AUTS2: variants seen among roughly 807,000 people sequenced by gnomAD.
AUTS2 encodes autism susceptibility gene 2 protein.
AUTS2 carries 17 observed loss-of-function variants against 112.4 expected under a neutral mutation model. That is an observed-to-expected ratio of 0.15 (90% CI 0.10 to 0.23). AUTS2 has a LOEUF of 0.23. AUTS2 is among the 10% of genes least tolerant of loss of function. The pLI, the probability that AUTS2 is intolerant of heterozygous loss-of-function variation, is 1.00. For missense variants in AUTS2, 1,510 were observed against 1,701.6 expected (o/e 0.89, Z 1.98); for synonymous variants, 751 against 702.7 (o/e 1.07, Z -1.09).
chr7:70,439,706 A>G (rs1057177022), intron 5 of AUTS2, among the ~76,000 whole-genome samples: 10 of 152,174 alleles, frequency 6.6e-5, no homozygotes, highest in Admixed American at 2.6e-4. Context: ...CTGATCCCCC[A>G]TTCGAAATGA....
chr7:70,160,256 G>A (rs1167271675), intron 4 of AUTS2, among the ~76,000 whole-genome samples: 1 of 152,162 alleles, frequency 6.6e-6, no homozygotes, highest in Non-Finnish European at 1.5e-5. Context: ...CCATGATGTA[G>A]CTGCTGAAAT....
intron 4 of AUTS2, among the ~76,000 whole-genome samples, chr7:70,246,731 T>C (rs1399177785): frequency 2.0e-5 from 3 of 152,072 alleles, no homozygotes; most frequent in Admixed American, 6.6e-5. Context: ...TTTCATATTC[T>C]CAAAAAAGTG....
chr7:70,608,718 C>T (rs1803915762), intron 5 of AUTS2, among the ~76,000 whole-genome samples: 1 of 152,050 alleles, frequency 6.6e-6, no homozygotes, highest in Non-Finnish European at 1.5e-5. Context: ...TGGACAATCC[C>T]CTGGTGTACT....
At position 70,497,851 on chromosome 7, in the gene AUTS2, C is replaced by T. The variant is rs990764886; in HGVS notation, c.690+62070C>T. Among the ~76,000 whole-genome samples, 10 of 152,282 alleles carry T rather than the reference C, an allele frequency of 6.6e-5. No homozygotes were observed. In the South Asian group the frequency reaches 1.0e-3, roughly 16 times the overall value. On this transcript the variant is annotated intron_variant, in intron 5 of 18. Transcript: ENST00000342771. ...AGGGTCTCAGACACGCAGAGACCAT[C>T]AGGAGGAGTTCACTCTGCTATTAAC... is the stretch of plus-strand genomic sequence containing the variant.
In AUTS2 at chr7:70,735,661, G is replaced by A. The variant is rs545783113; in HGVS notation, c.743-27209G>A. On this transcript the variant is annotated intron_variant, in intron 6 of 18. Transcript: ENST00000342771. ...TGAAGCATGTGTTGGCTCTACTGTG[G>A]TGCTTTAATGTTTCCTGAAATCCTC... is the stretch of plus-strand genomic sequence containing the variant. 2.0e-5 allele frequency among the ~76,000 whole-genome samples: 3 copies of A among 152,300 alleles called. No homozygotes were observed. In the East Asian group the frequency reaches 5.8e-4, roughly 29 times the overall value.
chr7:70,174,508 GC>G (rs1321958244), intron 4 of AUTS2, among the ~76,000 whole-genome samples: 1 of 152,190 alleles, frequency 6.6e-6, no homozygotes, highest in Non-Finnish European at 1.5e-5. Context: ...AGACAAAACA[GC>G]CTTCTATTAG....
chr7:70,508,116 C>G (rs1338740454), intron 5 of AUTS2, among the ~76,000 whole-genome samples: 1 of 152,096 alleles, frequency 6.6e-6, no homozygotes, highest in Admixed American at 6.5e-5. Context: ...ATGGGGGTAG[C>G]TAACTGATCA....
At chr7:70,629,495 AG>A (rs1363840565) in intron 5 of AUTS2, among the ~76,000 whole-genome samples, 4 of 151,778 alleles carry the variant, frequency 2.6e-5, no homozygotes, top group African/African-American at 4.8e-5. Flanking sequence ...AAAAAAAAAA[AG>A]CCCACAGCTA....
chr7:70,101,249 T>G (rs1343272866), intron 2 of AUTS2, among the ~76,000 whole-genome samples: 1 of 152,176 alleles, frequency 6.6e-6, no homozygotes, highest in Admixed American at 6.5e-5. Flanking sequence ...TTGATATATG[T>G]TGTATAATGA....
intron 2 of AUTS2, among the ~76,000 whole-genome samples, chr7:70,026,842 C>T (rs930952294): frequency 8.5e-5 from 13 of 152,160 alleles, no homozygotes; most frequent in Non-Finnish European, 1.9e-4. Context: ...GATAAACCCC[C>T]ACAGATGCCA....
intron 4 of AUTS2, among the ~76,000 whole-genome samples, chr7:70,395,491 T>TG (rs1443865368): frequency 6.6e-6 from 1 of 152,236 alleles, no homozygotes; most frequent in Non-Finnish European, 1.5e-5. Flanking sequence ...TCATTATCAT[T>TG]AATAGCTCAT....
At chr7:69,936,797 G>A (rs886526537) in intron 2 of AUTS2, among the ~76,000 whole-genome samples, 1 of 152,140 alleles carries the variant, frequency 6.6e-6, no homozygotes, top group South Asian at 2.1e-4. Flanking sequence ...AGTCTAAAAC[G>A]TGAGCCAAAG....
chr7:69,709,409 G>GC (rs1251817322), intron 1 of AUTS2, among the ~76,000 whole-genome samples: 3 of 152,148 alleles, frequency 2.0e-5, no homozygotes, highest in Non-Finnish European at 2.9e-5. Flanking sequence ...GTTAGCCTGA[G>GC]CAGGAGGATG....
chr7:70,718,762 C>G (rs964911676), intron 6 of AUTS2, among the ~76,000 whole-genome samples: 4 of 152,248 alleles, frequency 2.6e-5, no homozygotes, highest in African/African-American at 9.6e-5. Context: ...ACAAAGAAAC[C>G]TTTTTTGATA....
At chr7:70,466,497 C>T (rs1388653240) in intron 5 of AUTS2, among the ~76,000 whole-genome samples, 1 of 152,146 alleles carries the variant, frequency 6.6e-6, no homozygotes, top group African/African-American at 2.4e-5. Context: ...TGGGATGCGG[C>T]AACAAACAAA....
rs1044808329 is a variant in AUTS2, at chr7:70,694,802, G to C, written c.691-3767G>C. The C allele has an allele frequency of 6.6e-6, 1 of 151,228 alleles. No individual in the cohort carries two copies. The highest frequency in any genetic ancestry group is 2.4e-5 in the African/African-American group (1 of 41,346). 9.4% of individuals were successfully genotyped at this position (151,228 alleles called of 1,614,324 possible). A position where few individuals can be genotyped will look rare whatever the true frequency, so the allele number is the denominator to read the frequency against. On this transcript the variant is annotated intron_variant, in intron 5 of 18. Coordinates refer to ENST00000342771, the MANE Select transcript of AUTS2 (RefSeq NM_015570.4). The surrounding 1 kb of genome is among the most constrained non-coding windows in gnomAD (Gnocchi z 4.1). ...CGCTGGATGTGTGCGCGCGGCGCCG[G>C]CTCTCGGTCGCCCCGAAGCTGTTGC...
intron 1 of AUTS2, among the ~76,000 whole-genome samples, chr7:69,795,492 C>T (rs1250552416): frequency 6.6e-6 from 1 of 152,068 alleles, no homozygotes; most frequent in Non-Finnish European, 1.5e-5. Flanking sequence ...CCAGCCTGGG[C>T]AATGTAGTGA....
At chr7:70,661,295 G>A (rs932989739) in intron 5 of AUTS2, among the ~76,000 whole-genome samples, 1 of 152,156 alleles carries the variant, frequency 6.6e-6, no homozygotes, top group African/African-American at 2.4e-5. Context: ...GCACTTCAAA[G>A]CGTAGGGGGC....
At chr7:70,564,281 A>G (rs983485966) in intron 5 of AUTS2, among the ~76,000 whole-genome samples, 6 of 152,194 alleles carry the variant, frequency 3.9e-5, no homozygotes, top group Non-Finnish European at 7.3e-5. Flanking sequence ...GACTGCCTCA[A>G]TCTTCTCCAT....
Sources: gnomAD v4.1 joint callset for allele counts (sites outside exome capture counted in the v4.1 genomes callset) on GRCh38, gnomAD v4.1.1 for gene constraint, Gnocchi (gnomAD v3.1) non-coding constraint, MANE v1.5 for transcripts, NCBI Gene and HGNC (gene_info 2026-07-23, HGNC 2026-07-21) for gene names.